HSF1: variants seen among roughly 807,000 people sequenced by gnomAD.
HSF1 encodes the protein heat shock transcription factor 1.
HSF1 carries 32 observed loss-of-function variants against 51.7 expected under a neutral mutation model. The observed-to-expected ratio is 0.62, with a 90% CI of 0.47 to 0.83. HSF1 has a LOEUF of 0.83. HSF1 is among the 40% of genes least tolerant of loss of function. The pLI, the probability that HSF1 is intolerant of heterozygous loss-of-function variation, is 0.00. For synonymous variants in HSF1, 396 were observed against 309.7 expected, an observed-to-expected ratio of 1.28 and a Z score of -2.92; for missense variants, 727 against 717.0, an observed-to-expected ratio of 1.01 and a Z score of -0.16.
chr8:144,308,360 A>G (rs2130415001), intron 1 of HSF1, among the ~76,000 whole-genome samples: 1 of 152,332 alleles, frequency 6.6e-6, no homozygotes, highest in East Asian at 1.9e-4. Flanking sequence ...AGGTATATGC[A>G]GTGTTTGACT....
In HSF1 at chr8:144,313,617, G is replaced by T. The variant is rs1449654549; in HGVS notation, c.1248+1G>T. The T allele has an allele frequency of 1.9e-6, 3 of 1,565,602 alleles. No individual in the cohort carries two copies. Among genetic ancestry groups the T allele is most frequent in the Non-Finnish European group, 2.6e-6 (3 of 1,151,734 alleles). On this transcript the variant is annotated splice_donor_variant, in intron 10 of 12. Coordinates refer to ENST00000528838, the MANE Select transcript of HSF1 (RefSeq NM_005526.4). LOFTEE classifies it high-confidence loss of function. ...CGTGGACACCAGTGCCCTGCTGGAC[G>T]TGAGTGGAGCCCCGCCGCCCCGCCT...
chr8:144,313,483 G>T, intron 9 of HSF1, 28 bp from the exon 10 acceptor site: 2 of 1,480,256 alleles, frequency 1.4e-6, no homozygotes, highest in East Asian at 2.3e-5. Flanking sequence ...TGGGGCACTG[G>T]TTCAGGTACC....
In HSF1 at chr8:144,309,596, G is replaced by C; in HGVS notation, c.363+5G>C. On this transcript the variant is annotated splice_donor_5th_base_variant and intron_variant, in intron 3 of 12. Coordinates refer to ENST00000528838, the MANE Select transcript of HSF1 (RefSeq NM_005526.4). Reference sequence around the variant, plus strand: ...ATCAAGAGGAAAGTGACCAGTGTGAGTGCCGGCCCTGCACCCTTGCCCGGT... The same window carrying C: ...ATCAAGAGGAAAGTGACCAGTGTGACTGCCGGCCCTGCACCCTTGCCCGGT... 1.2e-6 allele frequency: 2 copies of C among 1,613,788 alleles called. No homozygotes were observed. Among genetic ancestry groups the C allele is most frequent in the Non-Finnish European group, 1.7e-6 (2 of 1,179,982 alleles).
At position 144,313,770 on chromosome 8, in the gene HSF1, TCCCCGCCCCGCCTCCCCG is replaced by T. The variant is rs1383984000; in HGVS notation, c.1249-68_1249-51del. The T allele has an allele frequency of 7.7e-4, 19 of 24,690 alleles. 1 individual carries two copies. The highest frequency in any genetic ancestry group is 3.9e-3 in the East Asian group (2 of 514). The allele number at this position is 24,690 out of a possible 1,614,324, so 1.5% of individuals were successfully genotyped here. ...CGCCTCCCCGCCCCGCCTCCCCGCCTCCCCGCCCCGCCTCCCCGCCCCGCCTCCCCGCCCCGCCCCCGG... is the reference window on the plus strand; with the variant it reads ...CGCCTCCCCGCCCCGCCTCCCCGCCTCCCCGCCTCCCCGCCCCGCCCCCGG... On this transcript the variant is annotated intron_variant, in intron 10 of 12. Transcript: ENST00000528838.
intron 1 of HSF1, among the ~76,000 whole-genome samples, chr8:144,300,268 G>A (rs1444179858): frequency 7.1e-6 from 1 of 141,760 alleles, no homozygotes; most frequent in Non-Finnish European, 1.5e-5. Context: ...CCAGGCTGGA[G>A]TGCAGTGGCA....
intron 1 of HSF1, among the ~76,000 whole-genome samples, chr8:144,306,338 T>C (rs1221643484): frequency 2.0e-5 from 3 of 151,528 alleles, no homozygotes; most frequent in Admixed American, 2.0e-4. Flanking sequence ...TTTGCATATC[T>C]CTATTTTTTT....
Position 144,311,782 on chromosome 8 carries a change from C to T in HSF1, c.806C>T (p.Thr269Ile). The part of the protein sequence containing the change: ...ASSGPIISDI[T>I]ELAPASPMAS... ...TCTGGACCCATCATCTCCGACATCA[C>T]CGAGCTGGCTCCTGCCAGCCCCATG... The change falls in exon 8 of 13, where the codon ACC becomes ATC. Residue 269 changes from threonine (T) to isoleucine (I), a missense_variant. By Grantham distance (89) the Thr-to-Ile change is moderately conservative. This residue lies in a region of HSF1 where 470 missense variants were observed against 398.8 expected (regional missense o/e 1.18). Transcript: ENST00000528838. The T allele has an allele frequency of 6.2e-7, 1 of 1,612,662 alleles. No individual in the cohort carries two copies. The highest frequency in any genetic ancestry group is 1.7e-5 in the Admixed American group (1 of 59,992).
chr8:144,314,171 C>T lies in HSF1; in HGVS notation c.1431C>T (p.Asp477=), dbSNP rs1554846100. ...HYTAQPLFLL[D]PGSVDTGSND... ...CAGCGCAGCCGCTGTTCCTGCTGGACCCCGGCTCCGTGGACACCGGGAGCA... is the reference window on the plus strand; with the variant it reads ...CAGCGCAGCCGCTGTTCCTGCTGGATCCCGGCTCCGTGGACACCGGGAGCA... The change falls in exon 13 of 13, where the codon GAC becomes GAT. Residue 477 remains aspartate, a synonymous_variant. Transcript: ENST00000528838. The T allele has an allele frequency of 3.2e-6, 5 of 1,548,442 alleles. No individual in the cohort carries two copies. The highest frequency in any genetic ancestry group is 1.2e-5 in the South Asian group (1 of 83,966).
At chr8:144,303,167 A>G (rs1401734478) in intron 1 of HSF1, among the ~76,000 whole-genome samples, 1 of 151,834 alleles carries the variant, frequency 6.6e-6, no homozygotes, top group Non-Finnish European at 1.5e-5. Context: ...CTCTTCTATC[A>G]TTTTTTTGGT....
At chr8:144,299,310 G>A (rs564764621) in intron 1 of HSF1, among the ~76,000 whole-genome samples, 2 of 151,884 alleles carry the variant, frequency 1.3e-5, no homozygotes, top group South Asian at 2.1e-4. Flanking sequence ...GGTGATGGGC[G>A]CCTGTGGTCC....
rs1485185282 is a variant in HSF1 at position 144,297,111 on chromosome 8, G to A, written c.117+5237G>A. 6.6e-6 allele frequency among the ~76,000 whole-genome samples: 1 copy of A among 152,202 alleles called. No homozygotes were observed. Among genetic ancestry groups the A allele is most frequent in the Non-Finnish European group, 1.5e-5 (1 of 68,038 alleles). ...CCCTGAAAGTCTCTCAGTTTTGGAGGAGTCAGCCTGTGTGCAGGGCGAGCT... is the reference window on the plus strand; with the variant it reads ...CCCTGAAAGTCTCTCAGTTTTGGAGAAGTCAGCCTGTGTGCAGGGCGAGCT... On this transcript the variant is annotated intron_variant, in intron 1 of 12. Coordinates refer to ENST00000528838, the MANE Select transcript of HSF1 (RefSeq NM_005526.4). This position sits in a 1 kb window ranked among gnomAD's most constrained non-coding sequence, Gnocchi z 4.6.
Position 144,311,978 on chromosome 8 carries a change from C to T in HSF1, c.876C>T (p.Ser292=), listed in dbSNP as rs1554844762. 2 of 1,587,412 alleles carry T rather than the reference C, an allele frequency of 1.3e-6. No individual in the cohort carries two copies. The highest frequency in any genetic ancestry group is 3.5e-5 in the Admixed American group (2 of 57,260). The change falls in exon 9 of 13, where the codon AGC becomes AGT. Residue 292 remains serine (S), a synonymous_variant. Coordinates refer to ENST00000528838, the MANE Select transcript of HSF1 (RefSeq NM_005526.4). ...GSIDERPLSS[S]PLVRVKEEPP... ...TCGTGTGCAGGCCCCTATCCAGCAG[C>T]CCCCTGGTGCGTGTCAAGGAGGAGC...
chr8:144,312,514 C>A (rs1231440994), intron 9 of HSF1: 1 of 983,382 alleles, frequency 1.0e-6, no homozygotes, highest in East Asian at 2.6e-5. Flanking sequence ...CCACAGGCCA[C>A]GGGCCCTGGC....
chr8:144,311,768 C>G lies in HSF1; in HGVS notation c.792C>G (p.Ile264Met), dbSNP rs1228083269. ...ATGCTGTGGCCAGCTCTGGACCCAT[C>G]ATCTCCGACATCACCGAGCTGGCTC... The part of the protein sequence containing the change: ...APDAVASSGP[I>M]ISDITELAPA... Residue 264 changes from isoleucine to methionine, a missense_variant, in exon 8 of 13, where the codon ATC becomes ATG. By Grantham distance (10) the Ile-to-Met change is conservative. Around this residue, in one of 2 missense-constraint regions of HSF1, gnomAD observed 470 missense variants for 398.8 expected, o/e 1.18. Transcript: ENST00000528838. The G allele has an allele frequency of 1.2e-6, 2 of 1,612,706 alleles. No individual in the cohort carries two copies. Among genetic ancestry groups the G allele is most frequent in the African/African-American group, 2.7e-5 (2 of 74,890 alleles).
chr8:144,313,415 TG>T, intron 9 of HSF1, 95 bp from the exon 10 acceptor site: 10 of 805,456 alleles, frequency 1.2e-5, no homozygotes, highest in East Asian at 2.8e-5. Flanking sequence ...GGGTGCAGCC[TG>T]GGGGGTACAG....
At chr8:144,312,387 G>A (rs1291366479) in intron 9 of HSF1, 143 bp downstream of exon 9, 2 of 719,252 alleles carry the variant, frequency 2.8e-6, no homozygotes, top group South Asian at 1.8e-5. Flanking sequence ...GGCTGGGGAG[G>A]GAGACAGGTG....
chr8:144,311,193 C>T lies in HSF1; in HGVS notation c.508C>T (p.Arg170Trp), dbSNP rs1554844275. The change falls in exon 5 of 13, where the codon CGG (arginine) becomes TGG (tryptophan). Residue 170 changes from arginine to tryptophan, a missense_variant. By Grantham distance (101) the Arg-to-Trp change is moderately radical. Transcript: ENST00000528838. Reference protein sequence around the residue: ...AMKHENEALWREVASLRQKHA... With the variant: ...AMKHENEALWWEVASLRQKHA... ...TTGCAGTGAGAATGAGGCTCTGTGGCGGGAGGTGGCCAGCCTTCGGCAGAA... is the reference window on the plus strand; with the variant it reads ...TTGCAGTGAGAATGAGGCTCTGTGGTGGGAGGTGGCCAGCCTTCGGCAGAA... 2.5e-6 allele frequency: 4 copies of T among 1,596,636 alleles called. No individual in the cohort carries two copies. Among genetic ancestry groups the T allele is most frequent in the Non-Finnish European group, 2.6e-6 (3 of 1,171,276 alleles).
In HSF1 at chr8:144,291,814, G is replaced by T. The variant is rs782766056; in HGVS notation, c.57G>T (p.Leu19=). ...GGCCCAGCAACGTCCCGGCCTTCCT[G>T]ACCAAGCTGTGGACCCTCGTGAGCG... is the stretch of plus-strand genomic sequence containing the variant. ...AAGPSNVPAF[L]TKLWTLVSDP... is the part of the protein sequence containing the mutation. The change falls in exon 1 of 13, where the codon CTG becomes CTT. Residue 19 remains leucine (L), a synonymous_variant. Transcript: ENST00000528838. The surrounding 1 kb of genome is among the most constrained non-coding windows in gnomAD (Gnocchi z 4.1). 3 of 1,557,666 alleles carry T rather than the reference G, an allele frequency of 1.9e-6. No individual in the cohort carries two copies. The highest frequency in any genetic ancestry group is 2.3e-5 in the South Asian group (2 of 85,470).
chr8:144,313,274 C>G, intron 9 of HSF1: 1 of 522,954 alleles, frequency 1.9e-6, no homozygotes, highest in East Asian at 3.2e-5. Context: ...GCCACCAAGG[C>G]CCCCAGGCCC....
Sources: allele counts gnomAD v4.1 joint callset (sites outside exome capture counted in the v4.1 genomes callset), GRCh38; gene constraint gnomAD v4.1.1; regional missense constraint gnomAD v4.1.1; non-coding constraint Gnocchi (gnomAD v3.1); transcripts MANE v1.5; gene names NCBI Gene and HGNC (gene_info 2026-07-23, HGNC 2026-07-21).